Variants in THSD7B observed in about 807,000 individuals in gnomAD.
THSD7B encodes the protein thrombospondin type 1 domain containing 7B, also known as thrombospondin type-1 domain-containing protein 7B.
THSD7B carries 138 observed loss-of-function variants against 213.6 expected under a neutral mutation model. The observed-to-expected ratio is 0.65, with a 90% CI of 0.56 to 0.74. The LOEUF is 0.74. THSD7B is among the 30% of genes least tolerant of loss of function. THSD7B has a pLI of 0.00. For synonymous variants in THSD7B, 742 were observed against 687.0 expected, an observed-to-expected ratio of 1.08 and a Z score of -1.25; for missense variants, 1,931 against 1,991.5, an observed-to-expected ratio of 0.97 and a Z score of 0.58.
intron 10 of THSD7B, among the ~76,000 whole-genome samples, chr2:137,270,628 A>G (rs1682710647): frequency 1.3e-5 from 2 of 152,198 alleles, no homozygotes; most frequent in East Asian, 1.9e-4. Flanking sequence ...ATTGGGAGCC[A>G]TGACCTAATG....
rs776235166 is a variant in THSD7B at position 136,831,129 on chromosome 2, C to CTTTTTTT, written c.-35-51004_-35-50998dup. ...GTCTGGAGTTCTCGGCCTGTAGAAT[C>CTTTTTTT]TTTTTTTTTTTTTTTTTAGCCATAT... On this transcript the variant is annotated intron_variant, in intron 1 of 27. Coordinates refer to ENST00000409968, the MANE Select transcript of THSD7B (RefSeq NM_001316349.2). 2.2e-4 allele frequency among the ~76,000 whole-genome samples: 26 copies of CTTTTTTT among 119,824 alleles called. 1 individual carries two copies. Among genetic ancestry groups the CTTTTTTT allele is most frequent in the African/African-American group, 6.6e-4 (21 of 32,008 alleles). 78.6% of individuals were successfully genotyped at this position (119,824 alleles called of 152,430 possible). A position where few individuals can be genotyped will look rare whatever the true frequency, so the allele number is the denominator to read the frequency against.
chr2:137,270,014 T>G (rs1303706288), intron 10 of THSD7B, among the ~76,000 whole-genome samples: 1 of 152,116 alleles, frequency 6.6e-6, no homozygotes, highest in East Asian at 1.9e-4. Flanking sequence ...GTATGATGGT[T>G]TAGGACCTGG....
chr2:137,033,854 A>G (rs1364155171), intron 2 of THSD7B, among the ~76,000 whole-genome samples: 1 of 152,070 alleles, frequency 6.6e-6, no homozygotes, highest in African/African-American at 2.4e-5. Flanking sequence ...GGCTCCTTAC[A>G]TAGGTATACA....
intron 7 of THSD7B, among the ~76,000 whole-genome samples, chr2:137,217,665 C>A (rs989040108): frequency 6.6e-6 from 1 of 152,132 alleles, no homozygotes; most frequent in African/African-American, 2.4e-5. Context: ...AAAATTTCCT[C>A]AGTTTGTGCT....
rs536309314 is a variant in THSD7B, at chr2:137,041,840, A to G, written c.140-14580A>G. Among the ~76,000 whole-genome samples the G allele has an allele frequency of 5.9e-5, 9 of 152,300 alleles. No individual in the cohort carries two copies. In the South Asian group the frequency reaches 1.9e-3, roughly 32 times the overall value. On this transcript the variant is annotated intron_variant, in intron 2 of 27. Coordinates refer to ENST00000409968, the MANE Select transcript of THSD7B (RefSeq NM_001316349.2). The stretch of plus-strand genomic sequence containing the variant: ...ATAATTCGCTAATGTGTGGCCAATA[A>G]AGTACATCATGTCATATCCTGAAGT...
Position 137,201,896 on chromosome 2 carries a change from A to G in THSD7B, c.1724-29148A>G, listed in dbSNP as rs534923645. On this transcript the variant is annotated intron_variant, in intron 7 of 27. Transcript: ENST00000409968. ...TAGACTGAGCCCTTTTCAAATCTTTATCAGCCGTTTGTGTTTCTCCTCTGG... is the reference window on the plus strand; with the variant it reads ...TAGACTGAGCCCTTTTCAAATCTTTGTCAGCCGTTTGTGTTTCTCCTCTGG... Among the ~76,000 whole-genome samples, 19 of 152,286 alleles carry G rather than the reference A, an allele frequency of 1.2e-4. 1 individual carries two copies. The South Asian group carries it at 3.5e-3, about 28-fold the overall frequency.
At chr2:137,498,645 T>C (rs1370256302) in intron 15 of THSD7B, among the ~76,000 whole-genome samples, 2 of 151,988 alleles carry the variant, frequency 1.3e-5, no homozygotes, top group Non-Finnish European at 2.9e-5. Flanking sequence ...GAGCTCTTAA[T>C]TGTTGGTTGG....
chr2:137,140,716 A>G (rs966163437), intron 5 of THSD7B, among the ~76,000 whole-genome samples: 1 of 152,172 alleles, frequency 6.6e-6, no homozygotes, highest in Non-Finnish European at 1.5e-5. Context: ...ATTTTATGAT[A>G]AGAACTGTTT....
At chr2:136,916,686 G>A (rs544131783) in intron 2 of THSD7B, among the ~76,000 whole-genome samples, 41 of 152,322 alleles carry the variant, frequency 2.7e-4, no homozygotes, top group African/African-American at 7.9e-4. Flanking sequence ...AGATGGTTTA[G>A]TTTTCTGGAG....
chr2:136,981,638 G>A (rs1464200949), intron 2 of THSD7B, among the ~76,000 whole-genome samples: 4 of 152,258 alleles, frequency 2.6e-5, no homozygotes, highest in Non-Finnish European at 4.4e-5. Context: ...CATGCCTCAC[G>A]TTCAATTCAA....
intron 14 of THSD7B, among the ~76,000 whole-genome samples, chr2:137,420,729 A>G (rs1163062798): frequency 2.0e-5 from 3 of 152,158 alleles, no homozygotes; most frequent in Admixed American, 2.0e-4. Context: ...TTTAATTCAC[A>G]TATGTGAATT....
intron 2 of THSD7B, among the ~76,000 whole-genome samples, chr2:136,891,621 C>T (rs1364887118): frequency 1.3e-5 from 2 of 152,206 alleles, no homozygotes; most frequent in African/African-American, 2.4e-5. Flanking sequence ...TGTGTCCATT[C>T]AGCCAGGCAC....
intron 14 of THSD7B, among the ~76,000 whole-genome samples, chr2:137,446,348 G>C: frequency 6.6e-6 from 1 of 152,144 alleles, no homozygotes; most frequent in Admixed American, 6.5e-5. Flanking sequence ...ACATACATCC[G>C]TTATGCTAAC....
chr2:136,934,662 G>A (rs1309832129), intron 2 of THSD7B, among the ~76,000 whole-genome samples: 2 of 152,056 alleles, frequency 1.3e-5, no homozygotes, highest in African/African-American at 4.8e-5. Context: ...TATGAAGATA[G>A]ACAAAAATCA....
At chr2:137,292,792 G>A (rs72975627) in intron 12 of THSD7B, among the ~76,000 whole-genome samples, 7,677 of 152,162 alleles carry the variant, frequency 0.05, 463 homozygotes, top group African/African-American at 0.14. Flanking sequence ...GCTATCTTTA[G>A]TCACTCTAGA....
chr2:136,999,368 G>A (rs921702981), intron 2 of THSD7B, among the ~76,000 whole-genome samples: 6 of 151,944 alleles, frequency 3.9e-5, no homozygotes, highest in African/African-American at 1.4e-4. Context: ...GTAAAAGGTA[G>A]AATGTGATGA....
chr2:137,556,795 C>T (rs1680980509), intron 15 of THSD7B, among the ~76,000 whole-genome samples: 1 of 152,092 alleles, frequency 6.6e-6, no homozygotes, highest in Non-Finnish European at 1.5e-5. Context: ...TTCAGGAGAT[C>T]CATCTCACTT....
intron 3 of THSD7B, among the ~76,000 whole-genome samples, chr2:137,069,636 TA>T (rs1018563537): frequency 6.6e-6 from 1 of 151,980 alleles, no homozygotes; most frequent in African/African-American, 2.4e-5. Flanking sequence ...GACGATTTTT[TA>T]AAAAGCCATC....
chr2:137,115,213 T>C lies in THSD7B; in HGVS notation c.1289T>C (p.Val430Ala). The change falls in exon 5 of 28, where the codon GTG (valine) becomes GCG (alanine). Residue 430 changes from valine to alanine, a missense_variant. Val to Ala is a moderately conservative substitution (Grantham distance 64, BLOSUM62 0). Coordinates refer to ENST00000409968, the MANE Select transcript of THSD7B (RefSeq NM_001316349.2). ...CCCCACTGGCATGTGACGGGACCCGTGTGTGGCGGTGGGATCCAGACCCGG... is the reference window on the plus strand; with the variant it reads ...CCCCACTGGCATGTGACGGGACCCGCGTGTGGCGGTGGGATCCAGACCCGG... ...QDPHWHVTGP[V>A]CGGGIQTREV... 1 of 1,613,824 alleles carries C rather than the reference T, an allele frequency of 6.2e-7. No individual in the cohort carries two copies. Among genetic ancestry groups the C allele is most frequent in the East Asian group, 2.2e-5 (1 of 44,856 alleles).
Sources: gnomAD v4.1 joint callset for allele counts (sites outside exome capture counted in the v4.1 genomes callset) on GRCh38, gnomAD v4.1.1 for gene constraint, MANE v1.5 for transcripts, NCBI Gene and HGNC (gene_info 2026-07-23, HGNC 2026-07-21) for gene names.